The following PTPRM variants were observed in gnomAD, a reference collection of about 807,000 sequenced individuals.
PTPRM encodes the protein protein tyrosine phosphatase receptor type M, also known as receptor-type tyrosine-protein phosphatase mu.
Under a neutral mutation model 186.7 loss-of-function variants are expected in PTPRM, and 47 were observed. The observed-to-expected ratio is 0.25, with a 90% CI of 0.20 to 0.32. The LOEUF (loss-of-function observed/expected upper bound fraction) is 0.32. Among genes scored for constraint, PTPRM ranks in the 10% least tolerant of loss-of-function variants. PTPRM has a pLI of 1.00. For missense variants in PTPRM, 1,494 were observed against 1,865.0 expected, an observed-to-expected ratio of 0.80 and a Z score of 3.66; for synonymous variants, 668 against 674.9, an observed-to-expected ratio of 0.99 and a Z score of 0.16.
chr18:7,783,307 T>G (rs2042942896), intron 2 of PTPRM, among the ~76,000 whole-genome samples: 1 of 152,064 alleles, frequency 6.6e-6, no homozygotes, highest in Non-Finnish European at 1.5e-5. Flanking sequence ...GGCTCCATAG[T>G]GTGAGGGACT....
intron 2 of PTPRM, among the ~76,000 whole-genome samples, chr18:7,877,944 G>A (rs867219967): frequency 1.3e-5 from 2 of 152,232 alleles, no homozygotes; most frequent in Middle Eastern, 3.4e-3. Flanking sequence ...TCTCTCTGTG[G>A]CCTCTGCTGT....
intron 1 of PTPRM, among the ~76,000 whole-genome samples, chr18:7,687,109 A>C (rs976785902): frequency 6.6e-6 from 1 of 152,206 alleles, no homozygotes; most frequent in Non-Finnish European, 1.5e-5. Flanking sequence ...TAAAATTTTA[A>C]TGTGTACCTT....
intron 14 of PTPRM, among the ~76,000 whole-genome samples, chr18:8,241,021 G>A (rs1406231460): frequency 6.6e-6 from 1 of 152,132 alleles, no homozygotes; most frequent in Non-Finnish European, 1.5e-5. Flanking sequence ...GGTGATAGAT[G>A]ATGTATATTT....
intron 7 of PTPRM, among the ~76,000 whole-genome samples, chr18:8,044,034 C>A (rs1408023833): frequency 6.6e-6 from 1 of 152,188 alleles, no homozygotes; most frequent in East Asian, 1.9e-4. Context: ...ACGGAACAAA[C>A]AACAAATTCT....
At chr18:7,674,632 C>T (rs1479025324) in intron 1 of PTPRM, among the ~76,000 whole-genome samples, 2 of 152,178 alleles carry the variant, frequency 1.3e-5, no homozygotes, top group Admixed American at 1.3e-4. Flanking sequence ...GCAGCTCTTT[C>T]TTCTTCCTAG....
chr18:8,067,519 A>G (rs1054883383), intron 7 of PTPRM, among the ~76,000 whole-genome samples: 8 of 152,190 alleles, frequency 5.3e-5, no homozygotes, highest in African/African-American at 1.9e-4. Context: ...TTATTACAGG[A>G]CAGAGTAGCA....
intron 14 of PTPRM, among the ~76,000 whole-genome samples, chr18:8,220,843 G>C (rs967141936): frequency 4.6e-5 from 7 of 152,154 alleles, no homozygotes; most frequent in African/African-American, 1.7e-4. Context: ...TGAGCTAAAT[G>C]TAAGCATTTA....
At chr18:7,841,732 G>A (rs1431465823) in intron 2 of PTPRM, among the ~76,000 whole-genome samples, 4 of 152,252 alleles carry the variant, frequency 2.6e-5, no homozygotes, top group Admixed American at 2.6e-4. Context: ...AAAATGAAAT[G>A]CCTTACACTA....
At chr18:8,016,698 CAA>C (rs2084891942) in intron 7 of PTPRM, among the ~76,000 whole-genome samples, 1 of 152,046 alleles carries the variant, frequency 6.6e-6, no homozygotes, top group African/African-American at 2.4e-5. Flanking sequence ...AATGAAAGGA[CAA>C]GAGAGTTGAC....
At chr18:7,864,088 G>T (rs2047538720) in intron 2 of PTPRM, among the ~76,000 whole-genome samples, 1 of 152,162 alleles carries the variant, frequency 6.6e-6, no homozygotes, top group Admixed American at 6.5e-5. Context: ...TGTGTATTCT[G>T]GATATTAGCC....
intron 14 of PTPRM, among the ~76,000 whole-genome samples, chr18:8,219,596 A>G (rs1432648188): frequency 1.3e-5 from 2 of 152,252 alleles, no homozygotes; most frequent in Non-Finnish European, 2.9e-5. Context: ...AAGGAGTTAC[A>G]GGCAAAGACA....
chr18:8,379,758 C>T (rs73939468), intron 28 of PTPRM, among the ~76,000 whole-genome samples: 4 of 152,124 alleles, frequency 2.6e-5, no homozygotes, highest in East Asian at 3.8e-4. Flanking sequence ...ATTGCTATTC[C>T]GTTGATGCAA....
At chr18:8,316,569 C>T (rs2095310481) in intron 21 of PTPRM, among the ~76,000 whole-genome samples, 1 of 152,144 alleles carries the variant, frequency 6.6e-6, no homozygotes, top group Non-Finnish European at 1.5e-5. Flanking sequence ...TTATTGAGTA[C>T]TTGTGCGTTA....
intron 2 of PTPRM, among the ~76,000 whole-genome samples, chr18:7,849,692 C>G (rs1012934276): frequency 6.6e-6 from 1 of 152,100 alleles, no homozygotes; most frequent in Non-Finnish European, 1.5e-5. Context: ...CTGTTGAAAA[C>G]TATGCAGAAA....
chr18:8,308,146 G>A (rs550492343), intron 20 of PTPRM, among the ~76,000 whole-genome samples: 1 of 152,314 alleles, frequency 6.6e-6, no homozygotes, highest in Non-Finnish European at 1.5e-5. Context: ...AGGTTTATTT[G>A]AGCAAAGACC....
chr18:8,280,544 T>C (rs2094891886), intron 19 of PTPRM, among the ~76,000 whole-genome samples: 1 of 152,158 alleles, frequency 6.6e-6, no homozygotes, highest in Non-Finnish European at 1.5e-5. Context: ...GTGGGTCCCC[T>C]GTGAATCACC....
rs142773706 is a variant in PTPRM, at chr18:8,379,235, T to C, written c.3681T>C (p.His1227=). 1,927 of 1,608,362 alleles carry C rather than the reference T, an allele frequency of 1.2e-3. 1 individual carries two copies. The highest frequency in any genetic ancestry group is 1.6e-3 in the Non-Finnish European group (1,852 of 1,174,954). Residue 1227 remains histidine (H), a synonymous_variant, in exon 28 of 33, where the codon CAT becomes CAC. Coordinates refer to ENST00000580170, the MANE Select transcript of PTPRM (RefSeq NM_001105244.2). ...DCSIALLPRN[H]EKNRCMDILP... ...GCATCGCACTGTTGCCCCGGAACCA[T>C]GAGAAAAACCGGTGCATGGACATCC...
chr18:8,236,989 A>G (rs948800173), intron 14 of PTPRM, among the ~76,000 whole-genome samples: 1 of 151,674 alleles, frequency 6.6e-6, no homozygotes, highest in Admixed American at 6.6e-5. Context: ...GGAGCATTTT[A>G]TATTATCCCA....
intron 7 of PTPRM, among the ~76,000 whole-genome samples, chr18:8,057,425 C>CTTTTTTTTTTTT (rs763829289): frequency 9.8e-6 from 1 of 102,560 alleles, no homozygotes; most frequent in African/African-American, 4.3e-5. Flanking sequence ...TGTGATACTT[C>CTTTTTTTTTTTT]TTTTTTTTTT....
Sources: gnomAD v4.1 joint callset for allele counts (sites outside exome capture counted in the v4.1 genomes callset) on GRCh38, gnomAD v4.1.1 for gene constraint, MANE v1.5 for transcripts, NCBI Gene and HGNC (gene_info 2026-07-23, HGNC 2026-07-21) for gene names.